CDC73: variants seen among roughly 807,000 people sequenced by gnomAD.
CDC73 encodes cell division cycle 73.
A neutral mutation model predicts 83.7 loss-of-function variants in CDC73; 21 were observed. The ratio of observed to expected loss-of-function variants is 0.25; its 90% CI spans 0.18 to 0.36. CDC73 has a LOEUF of 0.36. CDC73 is among the 10% of genes least tolerant of loss of function. The pLI is 1.00. For synonymous variants in CDC73, 224 were observed against 212.9 expected (o/e 1.05, Z -0.45); for missense variants, 342 against 653.3 (o/e 0.52, Z 5.19).
intron 10 of CDC73, among the ~76,000 whole-genome samples, chr1:193,197,914 G>A (rs942103166): frequency 4.3e-5 from 5 of 116,232 alleles, no homozygotes; most frequent in African/African-American, 1.8e-4. Context: ...AACAAAGTGA[G>A]ATACCATCTC....
intron 13 of CDC73, among the ~76,000 whole-genome samples, chr1:193,217,160 C>T (rs993186166): frequency 5.9e-5 from 9 of 152,084 alleles, no homozygotes; most frequent in Non-Finnish European, 1.2e-4. Flanking sequence ...CTGCTGAAAC[C>T]TCTAGGGGAG....
intron 10 of CDC73, among the ~76,000 whole-genome samples, chr1:193,182,789 C>T (rs1437300790): frequency 1.3e-5 from 2 of 151,750 alleles, no homozygotes; most frequent in Non-Finnish European, 2.9e-5. Context: ...TTTTTGGGGA[C>T]CAATATGTCG....
chr1:193,138,595 A>G (rs1351705043), intron 6 of CDC73, among the ~76,000 whole-genome samples: 2 of 151,952 alleles, frequency 1.3e-5, no homozygotes, highest in Non-Finnish European at 2.9e-5. Flanking sequence ...ATGGATGGGC[A>G]TAGTTTCTTC....
chr1:193,233,040 A>G lies in CDC73; in HGVS notation c.1202A>G (p.Asn401Ser). Residue 401 changes from asparagine to serine, a missense_variant, in exon 14 of 17, where the codon AAT becomes AGT. Asn to Ser is a conservative substitution (Grantham distance 46). Around this residue, in one of 3 missense-constraint regions of CDC73, gnomAD observed 239 missense variants for 420.6 expected, o/e 0.57. Coordinates refer to ENST00000367435, the MANE Select transcript of CDC73 (RefSeq NM_024529.5). ...EKKKQGCQRENETLIQRRKDQ... is the reference protein window; with the variant it reads ...EKKKQGCQRESETLIQRRKDQ... ...AAGAAACAAGGTTGTCAACGAGAAAATGAAACTCTAATACAAAGAAGAAAA... is the reference window on the plus strand; with the variant it reads ...AAGAAACAAGGTTGTCAACGAGAAAGTGAAACTCTAATACAAAGAAGAAAA... The G allele has an allele frequency of 6.2e-7, 1 of 1,613,922 alleles. No individual in the cohort carries two copies. The highest frequency in any genetic ancestry group is 1.1e-5 in the South Asian group (1 of 91,080).
At chr1:193,210,212 A>G (rs1057105548) in intron 11 of CDC73, among the ~76,000 whole-genome samples, 1 of 152,332 alleles carries the variant, frequency 6.6e-6, no homozygotes, top group South Asian at 2.1e-4. Flanking sequence ...ATACTACTGA[A>G]TCCTATGACA....
At chr1:193,249,678 C>T in intron 15 of CDC73, 52 bp from the exon 16 acceptor site, 4 of 1,442,248 alleles carry the variant, frequency 2.8e-6, no homozygotes, top group African/African-American at 1.4e-5. Flanking sequence ...AAATTTTTTT[C>T]TTTTTTTTTA....
chr1:193,200,626 T>C (rs1179989309), intron 10 of CDC73, among the ~76,000 whole-genome samples: 1 of 152,234 alleles, frequency 6.6e-6, no homozygotes, highest in East Asian at 1.9e-4. Flanking sequence ...TTGTCAGCTC[T>C]TTTGTTTTTG....
At chr1:193,175,282 T>TA (rs1043888687) in intron 10 of CDC73, among the ~76,000 whole-genome samples, 5 of 152,182 alleles carry the variant, frequency 3.3e-5, no homozygotes, top group African/African-American at 1.2e-4. Context: ...TTGCAGTAGT[T>TA]AAAAAATGAG....
At chr1:193,241,175 G>A (rs1386059227) in intron 15 of CDC73, among the ~76,000 whole-genome samples, 1 of 152,116 alleles carries the variant, frequency 6.6e-6, no homozygotes, top group Non-Finnish European at 1.5e-5. Flanking sequence ...TTTAGGGGAG[G>A]ACTTTTCCCC....
At chr1:193,243,893 C>T (rs1038145085) in intron 15 of CDC73, among the ~76,000 whole-genome samples, 1 of 152,068 alleles carries the variant, frequency 6.6e-6, no homozygotes, top group African/African-American at 2.4e-5. Context: ...AGAATTGAAT[C>T]TTGATTAGTT....
chr1:193,225,247 T>G (rs994016686), intron 13 of CDC73, among the ~76,000 whole-genome samples: 12 of 13,964 alleles, frequency 8.6e-4, no homozygotes, highest in African/African-American at 2.8e-3. Flanking sequence ...TATTCCATGA[T>G]ATATATATAT....
intron 10 of CDC73, among the ~76,000 whole-genome samples, chr1:193,197,476 A>G (rs971967737): frequency 6.6e-6 from 1 of 152,206 alleles, no homozygotes; most frequent in African/African-American, 2.4e-5. Flanking sequence ...AAGTAACTAA[A>G]TACATATGTA....
At chr1:193,150,246 A>T in intron 8 of CDC73, 58 bp from the exon 9 acceptor site, 1 of 1,263,172 alleles carries the variant, frequency 7.9e-7, no homozygotes. Flanking sequence ...ACTCCAGCAC[A>T]TTAAATAAGT....
In CDC73 at chr1:193,253,132, A is replaced by C. The variant is rs536960020; in HGVS notation, c.*2420A>C. The C allele has an allele frequency of 3.1e-4, 72 of 232,490 alleles. No homozygotes were observed. Among genetic ancestry groups the C allele is most frequent in the Admixed American group, 1.4e-3 (24 of 17,766 alleles). 14.4% of individuals were successfully genotyped at this position (232,490 alleles called of 1,614,324 possible). On this transcript the variant is annotated 3_prime_UTR_variant, in exon 17 of 17. Transcript: ENST00000367435. ...CATTCTTCTCAGTCAAGGAACAGTAAGAAATATGTAGGTTTCAATCAGTTG... is the reference window on the plus strand; with the variant it reads ...CATTCTTCTCAGTCAAGGAACAGTACGAAATATGTAGGTTTCAATCAGTTG...
intron 13 of CDC73, among the ~76,000 whole-genome samples, chr1:193,224,234 G>A (rs952086164): frequency 6.6e-6 from 1 of 151,086 alleles, no homozygotes; most frequent in Non-Finnish European, 1.5e-5. Context: ...GGGAATTATT[G>A]TTGCAGTTAC....
rs370937535 is a variant in CDC73 at position 193,197,337 on chromosome 1, C to T, written c.973-6458C>T. 9.2e-5 allele frequency among the ~76,000 whole-genome samples: 14 copies of T among 152,200 alleles called. No homozygotes were observed. The East Asian group carries it at 2.7e-3, about 29-fold the overall frequency. On this transcript the variant is annotated intron_variant, in intron 10 of 16. Coordinates refer to ENST00000367435, the MANE Select transcript of CDC73 (RefSeq NM_024529.5). ...AATACTTTTAATTTGCTGCTGAATT[C>T]AGTTTGCTAGGTCGTGACTTATCCT...
At chr1:193,193,780 A>T (rs1306195249) in intron 10 of CDC73, among the ~76,000 whole-genome samples, 2 of 135,918 alleles carry the variant, frequency 1.5e-5, no homozygotes, top group South Asian at 2.5e-4. Flanking sequence ...TCTTACTTGT[A>T]GTGTGTGTGT....
At chr1:193,122,516 C>G in intron 1 of CDC73, 185 bp downstream of exon 1, 1 of 671,818 alleles carries the variant, frequency 1.5e-6, no homozygotes, top group East Asian at 2.8e-5. Context: ...GGGCGGAGCT[C>G]TAGAGCAGTT....
chr1:193,193,790 TGTG>T (rs1676958188), intron 10 of CDC73, among the ~76,000 whole-genome samples: 2 of 134,266 alleles, frequency 1.5e-5, no homozygotes, highest in African/African-American at 5.4e-5. Flanking sequence ...AGTGTGTGTG[TGTG>T]TGTGTGTGTG....
Sources: allele counts gnomAD v4.1 joint callset (sites outside exome capture counted in the v4.1 genomes callset), GRCh38; gene constraint gnomAD v4.1.1; regional missense constraint gnomAD v4.1.1; transcripts MANE v1.5; gene names NCBI Gene and HGNC (gene_info 2026-07-23, HGNC 2026-07-21).